Variants in ADAM12 observed in about 807,000 individuals in gnomAD.
ADAM12 encodes ADAM metallopeptidase domain 12.
ADAM12 carries 70 observed loss-of-function variants against 106.4 expected under a neutral mutation model. That is an observed-to-expected ratio of 0.66 (90% CI 0.54 to 0.80). ADAM12 has a LOEUF of 0.80. Among genes scored for constraint, ADAM12 ranks in the 30% least tolerant of loss-of-function variants. The probability of loss-of-function intolerance (pLI) is 0.00; values close to 1 mark genes in which losing one functional copy is unlikely to be tolerated. For synonymous variants in ADAM12, 420 were observed against 433.5 expected, an observed-to-expected ratio of 0.97 and a Z score of 0.39; for missense variants, 1,010 against 1,171.9, an observed-to-expected ratio of 0.86 and a Z score of 2.02.
At chr10:126,041,899 C>T in intron 18 of ADAM12, 1 of 1,405,024 alleles carries the variant, frequency 7.1e-7, no homozygotes, top group East Asian at 2.6e-5. Context: ...TGAAGCATGT[C>T]CATGTTTTAG....
In ADAM12 at chr10:126,108,154, A is replaced by T. The variant is rs146704887; in HGVS notation, c.741+439T>A. On this transcript the variant is annotated intron_variant, in intron 8 of 22. Transcript: ENST00000448723. ...CAGTGAAGCCTATGGATCCCTTATAAATGCAAGCCCACCCTCAGGGTTACA... is the reference window on the plus strand; with the variant it reads ...CAGTGAAGCCTATGGATCCCTTATATATGCAAGCCCACCCTCAGGGTTACA... 2.0e-4 allele frequency among the ~76,000 whole-genome samples: 31 copies of T among 152,300 alleles called. 1 individual carries two copies. Among genetic ancestry groups the T allele is most frequent in the Non-Finnish European group, 4.4e-4 (30 of 68,024 alleles).
chr10:126,145,694 G>T (rs575735518), intron 4 of ADAM12: 1 of 152,324 alleles, frequency 6.6e-6, no homozygotes, highest in East Asian at 1.9e-4. Context: ...TGGGTATAAA[G>T]ATAGCAAGAA....
chr10:126,265,566 C>T (rs530591402), intron 3 of ADAM12, among the ~76,000 whole-genome samples: 61 of 152,284 alleles, frequency 4.0e-4, no homozygotes, highest in African/African-American at 1.4e-3. Flanking sequence ...CGAGGACCAC[C>T]TGCAATGTCA....
chr10:126,361,773 T>C (rs1855754134), intron 1 of ADAM12, among the ~76,000 whole-genome samples: 3 of 152,048 alleles, frequency 2.0e-5, no homozygotes, highest in Admixed American at 2.0e-4. Flanking sequence ...TCACACTATA[T>C]ACAAAAAAGC....
At chr10:126,091,503 A>G (rs896610432) in intron 11 of ADAM12, among the ~76,000 whole-genome samples, 2 of 152,250 alleles carry the variant, frequency 1.3e-5, no homozygotes, top group Admixed American at 1.3e-4. Flanking sequence ...TGAGAAGCAA[A>G]TAGAAAAGAT....
chr10:126,029,727 A>G (rs1953941291), intron 21 of ADAM12, among the ~76,000 whole-genome samples: 2 of 152,368 alleles, frequency 1.3e-5, no homozygotes, highest in South Asian at 2.1e-4. Context: ...AATGGCAAAG[A>G]TGAAAAGGCA....
intron 21 of ADAM12, among the ~76,000 whole-genome samples, chr10:126,022,332 C>G (rs569966964): frequency 3.9e-5 from 6 of 152,316 alleles, no homozygotes; most frequent in African/African-American, 1.4e-4. Flanking sequence ...GACCTCCAAC[C>G]TGGGGATCAG....
At chr10:126,174,554 G>A (rs1372818983) in intron 3 of ADAM12, among the ~76,000 whole-genome samples, 1 of 152,016 alleles carries the variant, frequency 6.6e-6, no homozygotes, top group East Asian at 1.9e-4. Context: ...CCAGACAACT[G>A]GCACACTGAA....
chr10:126,159,108 G>C (rs970853376), intron 3 of ADAM12, among the ~76,000 whole-genome samples: 8 of 152,082 alleles, frequency 5.3e-5, no homozygotes, highest in African/African-American at 7.2e-5. Flanking sequence ...AGGAGATCGA[G>C]ACCATTCTGG....
In ADAM12 at chr10:126,049,113, A is replaced by G. The variant is rs2133436792; in HGVS notation, c.1917+140T>C. 6.2e-6 allele frequency: 7 copies of G among 1,120,536 alleles called. No individual in the cohort carries two copies. The highest frequency in any genetic ancestry group is 3.1e-4 in the Middle Eastern group (1 of 3,278). 69.4% of individuals were successfully genotyped at this position (1,120,536 alleles called of 1,614,324 possible). A position where few individuals can be genotyped will look rare whatever the true frequency, so the allele number is the denominator to read the frequency against. ...ATAGTCAGACCAGGATCTAGGATTT[A>G]TTGACTTTTTCTTCTAGGTGCATCT... is the stretch of plus-strand genomic sequence containing the variant. On this transcript the variant is annotated intron_variant, in intron 16 of 22. Transcript: ENST00000448723. This position sits in a 1 kb window ranked among gnomAD's most constrained non-coding sequence, Gnocchi z 4.4.
At chr10:126,244,821 G>A (rs1227604644) in intron 3 of ADAM12, among the ~76,000 whole-genome samples, 1 of 152,170 alleles carries the variant, frequency 6.6e-6, no homozygotes, top group Non-Finnish European at 1.5e-5. Context: ...CAGGAATGGG[G>A]GACTAGAAAT....
At chr10:126,288,153 C>A (rs1369638198) in intron 2 of ADAM12, among the ~76,000 whole-genome samples, 1 of 152,082 alleles carries the variant, frequency 6.6e-6, no homozygotes, top group Non-Finnish European at 1.5e-5. Flanking sequence ...CTTGCCTCAC[C>A]CTAGGAGGCC....
At chr10:126,318,698 TAAATA>T (rs1853982661) in intron 2 of ADAM12, among the ~76,000 whole-genome samples, 2 of 152,122 alleles carry the variant, frequency 1.3e-5, no homozygotes, top group Admixed American at 1.3e-4. Context: ...AACAATAAAA[TAAATA>T]AGAGTATTGG....
chr10:126,193,785 T>C (rs1047088775), intron 3 of ADAM12, among the ~76,000 whole-genome samples: 4 of 152,136 alleles, frequency 2.6e-5, no homozygotes, highest in Non-Finnish European at 5.9e-5. Flanking sequence ...TAGTCCCAGC[T>C]ACTCGGTAGG....
intron 6 of ADAM12, among the ~76,000 whole-genome samples, chr10:126,115,107 A>AT (rs1955955814): frequency 6.6e-6 from 1 of 152,218 alleles, no homozygotes; most frequent in Admixed American, 6.5e-5. Flanking sequence ...TCGCTGTCCT[A>AT]TATGTACACA....
At chr10:126,072,516 G>A (rs529495342) in intron 11 of ADAM12, among the ~76,000 whole-genome samples, 12 of 152,082 alleles carry the variant, frequency 7.9e-5, no homozygotes, top group East Asian at 1.9e-4. Context: ...AGTATCCCAC[G>A]GTTTTAGGAG....
intron 1 of ADAM12, among the ~76,000 whole-genome samples, chr10:126,347,370 A>G (rs1855184091): frequency 6.6e-6 from 1 of 152,188 alleles, no homozygotes; most frequent in Non-Finnish European, 1.5e-5. Context: ...TCTGGCTTGT[A>G]GAGTTTCTGC....
chr10:126,236,493 T>A (rs1958417931), intron 3 of ADAM12, among the ~76,000 whole-genome samples: 1 of 152,152 alleles, frequency 6.6e-6, no homozygotes, highest in South Asian at 2.1e-4. Context: ...GAACTCCAGA[T>A]AAATCACAGC....
chr10:126,078,694 TTTC>T (rs942464491), intron 11 of ADAM12, among the ~76,000 whole-genome samples: 1 of 152,280 alleles, frequency 6.6e-6, no homozygotes, highest in African/African-American at 2.4e-5. Flanking sequence ...TGGTAATATT[TTTC>T]TTCTTTTATA....
Sources: allele counts gnomAD v4.1 joint callset (sites outside exome capture counted in the v4.1 genomes callset), GRCh38; gene constraint gnomAD v4.1.1; non-coding constraint Gnocchi (gnomAD v3.1); transcripts MANE v1.5; gene names NCBI Gene and HGNC (gene_info 2026-07-23, HGNC 2026-07-21).